MSX2: variants seen among roughly 807,000 people sequenced by gnomAD.
MSX2 encodes msh homeobox 2.
Under a neutral mutation model 18.4 loss-of-function variants are expected in MSX2, and 10 were observed. The ratio of observed to expected loss-of-function variants is 0.54; its 90% CI spans 0.34 to 0.92. The LOEUF is 0.92. MSX2 is among the 40% of genes least tolerant of loss of function. The pLI, the probability that MSX2 is intolerant of heterozygous loss-of-function variation, is 0.02. For missense variants in MSX2, 339 were observed against 364.0 expected, an observed-to-expected ratio of 0.93 and a Z score of 0.56; for synonymous variants, 170 against 165.6, an observed-to-expected ratio of 1.03 and a Z score of -0.20.
Position 174,730,528 on chromosome 5 carries a change from G to A in MSX2, c.*945G>A, listed in dbSNP as rs1331479617. On this transcript the variant is annotated 3_prime_UTR_variant, in exon 2 of 2. Transcript: ENST00000239243. ...TTTCTGCTTAAAAAATGAGTATCTTGTAACCATTACCTATATGCTAAATAT... is the reference window on the plus strand; with the variant it reads ...TTTCTGCTTAAAAAATGAGTATCTTATAACCATTACCTATATGCTAAATAT... 2 of 152,322 alleles carry A rather than the reference G, an allele frequency of 1.3e-5. No individual in the cohort carries two copies. The highest frequency in any genetic ancestry group is 6.6e-5 in the Admixed American group (1 of 15,234). 9.4% of individuals were successfully genotyped at this position (152,322 alleles called of 1,614,324 possible).
At position 174,724,759 on chromosome 5, in the gene MSX2, G is replaced by C. The variant is rs1760739105; in HGVS notation, c.100G>C (p.Ala34Pro). 1 of 1,565,932 alleles carries C rather than the reference G, an allele frequency of 6.4e-7. No homozygotes were observed. The highest frequency in any genetic ancestry group is 1.2e-5 in the South Asian group (1 of 85,684). The change falls in exon 1 of 2, where the codon GCC becomes CCC. Residue 34 changes from alanine to proline, a missense_variant. Around this residue, in one of 2 missense-constraint regions of MSX2, gnomAD observed 211 missense variants for 185.4 expected, o/e 1.14. Transcript: ENST00000239243. Reference sequence around the variant, plus strand: ...CCCGGGGCCTGGGGGCGCCGAGGGGGCCGCGGAGGAGCGCCGCGTCAAGGT... The same window carrying C: ...CCCGGGGCCTGGGGGCGCCGAGGGGCCCGCGGAGGAGCGCCGCGTCAAGGT... ...PGPGPGGAEGAAEERRVKVSS... is the reference protein window; with the variant it reads ...PGPGPGGAEGPAEERRVKVSS...
rs1428948082 is a variant in MSX2 at position 174,729,287 on chromosome 5, G to A, written c.508G>A (p.Ala170Thr). 7 of 1,614,002 alleles carry A rather than the reference G, an allele frequency of 4.3e-6. No individual in the cohort carries two copies. Among genetic ancestry groups the A allele is most frequent in the Non-Finnish European group, 5.9e-6 (7 of 1,180,034 alleles). The change falls in exon 2 of 2, where the codon GCA (alanine) becomes ACA (threonine). Residue 170 changes from alanine to threonine, a missense_variant. Ala to Thr is a moderately conservative substitution (Grantham distance 58, BLOSUM62 0). This residue lies in a region of MSX2 where 128 missense variants were observed against 178.6 expected (regional missense o/e 0.72). Coordinates refer to ENST00000239243, the MANE Select transcript of MSX2 (RefSeq NM_002449.5). ...KFRQKQYLSI[A>T]ERAEFSSSLN... ...CCGTCAGAAACAGTACCTCTCCATTGCAGAGCGTGCAGAGTTCTCCAGCTC... is the reference window on the plus strand; with the variant it reads ...CCGTCAGAAACAGTACCTCTCCATTACAGAGCGTGCAGAGTTCTCCAGCTC...
In MSX2 at chr5:174,725,053, G is replaced by A; in HGVS notation, c.379+15G>A. 6.2e-7 allele frequency: 1 copy of A among 1,609,084 alleles called. No homozygotes were observed. The highest frequency in any genetic ancestry group is 8.5e-7 in the Non-Finnish European group (1 of 1,178,906). On this transcript the variant is annotated intron_variant, in intron 1 of 1. Coordinates refer to ENST00000239243, the MANE Select transcript of MSX2 (RefSeq NM_002449.5). ...GCCGCCGCCAAGTGAGTGCGCGCCG[G>A]GGCAGGAGTAGGAGGTAGCGCGGGG...
At chr5:174,728,843 T>C (rs1360704693) in intron 1 of MSX2, among the ~76,000 whole-genome samples, 2 of 152,160 alleles carry the variant, frequency 1.3e-5, no homozygotes, top group Non-Finnish European at 1.5e-5. Context: ...AAAAAACTCA[T>C]TTTTAAAAAA....
rs1760742152 is a variant in MSX2, at chr5:174,724,824, CAAG to C, written c.169_171del (p.Lys57del). ...TCAGCGTGGAGGCGCTCATGTCCGACAAGAAGCCGCCCAAGGAGGCGTCCCCGC... is the reference window on the plus strand; with the variant it reads ...TCAGCGTGGAGGCGCTCATGTCCGACAAGCCGCCCAAGGAGGCGTCCCCGC... On this transcript the variant is annotated inframe_deletion, in exon 1 of 2. Transcript: ENST00000239243. 1.3e-6 allele frequency: 2 copies of C among 1,551,242 alleles called. No individual in the cohort carries two copies. The highest frequency in any genetic ancestry group is 1.4e-5 in the African/African-American group (1 of 73,264).
At position 174,725,312 on chromosome 5, in the gene MSX2, G is replaced by A. The variant is rs77555755; in HGVS notation, c.379+274G>A. On this transcript the variant is annotated intron_variant, in intron 1 of 1. Transcript: ENST00000239243. ...GTTTTTTCAAGAGCGAACCCCAGCT[G>A]GGTTTACGGGGTCGCTCGGTGGTCC... Among the ~76,000 whole-genome samples, 968 of 152,318 alleles carry A rather than the reference G, an allele frequency of 6.4e-3. 11 individuals carry two copies. The highest frequency in any genetic ancestry group is 0.021 in the East Asian group (110 of 5,170).
chr5:174,725,632 G>A (rs1760778404), intron 1 of MSX2, among the ~76,000 whole-genome samples: 1 of 152,076 alleles, frequency 6.6e-6, no homozygotes, highest in African/African-American at 2.4e-5. Flanking sequence ...TGGCATCAGA[G>A]TCTGGTGCGG....
chr5:174,729,103 A>T (rs1760867408), intron 1 of MSX2, 56 bp from the exon 2 acceptor site: 1 of 1,553,396 alleles, frequency 6.4e-7, no homozygotes, highest in South Asian at 1.1e-5. Flanking sequence ...GGTTTTTTTT[A>T]GTATTATTTT....
At chr5:174,726,201 C>T (rs1251945616) in intron 1 of MSX2, among the ~76,000 whole-genome samples, 3 of 152,128 alleles carry the variant, frequency 2.0e-5, no homozygotes, top group Non-Finnish European at 4.4e-5. Flanking sequence ...CCTAATTTCC[C>T]ACCACGCCAT....
chr5:174,725,453 G>A (rs550158503), intron 1 of MSX2, among the ~76,000 whole-genome samples: 1 of 152,192 alleles, frequency 6.6e-6, no homozygotes, highest in East Asian at 1.9e-4. Context: ...TGAGCACTTG[G>A]ATGTACCAGG....
Position 174,729,659 on chromosome 5 carries a change from C to G in MSX2, c.*76C>G. Reference sequence around the variant, plus strand: ...CCTCTCCCTCTCCACGAAGGCAGTACCAGCCAGTACTCCTGCTCTGCTAAC... The same window carrying G: ...CCTCTCCCTCTCCACGAAGGCAGTAGCAGCCAGTACTCCTGCTCTGCTAAC... On this transcript the variant is annotated 3_prime_UTR_variant, in exon 2 of 2. Coordinates refer to ENST00000239243, the MANE Select transcript of MSX2 (RefSeq NM_002449.5). The G allele has an allele frequency of 6.9e-7, 1 of 1,457,052 alleles. No homozygotes were observed. The highest frequency in any genetic ancestry group is 9.5e-7 in the Non-Finnish European group (1 of 1,050,712). The allele number at this position is 1,457,052 out of a possible 1,614,324, so 90.3% of individuals were successfully genotyped here.
chr5:174,724,605 G>A lies in MSX2; in HGVS notation c.-55G>A. On this transcript the variant is annotated 5_prime_UTR_variant, in exon 1 of 2. Coordinates refer to ENST00000239243, the MANE Select transcript of MSX2 (RefSeq NM_002449.5). ...CCGCAGCAAAAAAGTTTGAGTCGCC[G>A]CTGCCGGGTTGCCAGCGGAGTCGCG... is the stretch of plus-strand genomic sequence containing the variant. 1.3e-6 allele frequency: 2 copies of A among 1,550,384 alleles called. No homozygotes were observed. The highest frequency in any genetic ancestry group is 2.4e-5 in the South Asian group (2 of 84,380).
intron 1 of MSX2, among the ~76,000 whole-genome samples, chr5:174,728,065 A>G (rs1395078905): frequency 2.6e-5 from 4 of 152,176 alleles, no homozygotes; most frequent in East Asian, 3.9e-4. Flanking sequence ...AGTTGATGCT[A>G]TGGAATCACA....
intron 1 of MSX2, 134 bp from the exon 2 acceptor site, chr5:174,729,025 A>T: frequency 1.4e-6 from 1 of 733,874 alleles, no homozygotes. Context: ...ATTTTTTTAA[A>T]GCTAAGTGCT....
intron 1 of MSX2, among the ~76,000 whole-genome samples, chr5:174,728,579 T>C (rs1760853337): frequency 6.6e-6 from 1 of 152,230 alleles, no homozygotes; most frequent in Non-Finnish European, 1.5e-5. Flanking sequence ...GCTAACCCGG[T>C]TGCTAAAACC....
At position 174,724,601 on chromosome 5, in the gene MSX2, C is replaced by T. The variant is rs888125937; in HGVS notation, c.-59C>T. 5.4e-5 allele frequency: 83 copies of T among 1,546,440 alleles called. No homozygotes were observed. Among genetic ancestry groups the T allele is most frequent in the Middle Eastern group, 2.3e-4 (1 of 4,398 alleles). On this transcript the variant is annotated 5_prime_UTR_variant, in exon 1 of 2. Transcript: ENST00000239243. ...GTCTCCGCAGCAAAAAAGTTTGAGT[C>T]GCCGCTGCCGGGTTGCCAGCGGAGT...
chr5:174,724,742 C>G lies in MSX2; in HGVS notation c.83C>G (p.Pro28Arg). ...GTGGTGGCCGGACCAGGCCCGGGGC[C>G]TGGGGGCGCCGAGGGGGCCGCGGAG... ...PAVVAGPGPGPGGAEGAAEER... is the reference protein window; with the variant it reads ...PAVVAGPGPGRGGAEGAAEER... Residue 28 changes from proline (P) to arginine (R), a missense_variant, in exon 1 of 2, where the codon CCT becomes CGT. By Grantham distance (103) the Pro-to-Arg change is moderately radical. This residue lies in a region of MSX2 where 211 missense variants were observed against 185.4 expected (regional missense o/e 1.14). Coordinates refer to ENST00000239243, the MANE Select transcript of MSX2 (RefSeq NM_002449.5). 1 of 1,578,752 alleles carries G rather than the reference C, an allele frequency of 6.3e-7. No homozygotes were observed. Among genetic ancestry groups the G allele is most frequent in the Non-Finnish European group, 8.6e-7 (1 of 1,163,010 alleles).
rs1460469912 is a variant in MSX2 at position 174,729,659 on chromosome 5, C to T, written c.*76C>T. On this transcript the variant is annotated 3_prime_UTR_variant, in exon 2 of 2. Coordinates refer to ENST00000239243, the MANE Select transcript of MSX2 (RefSeq NM_002449.5). The stretch of plus-strand genomic sequence containing the variant: ...CCTCTCCCTCTCCACGAAGGCAGTA[C>T]CAGCCAGTACTCCTGCTCTGCTAAC... The T allele has an allele frequency of 2.7e-6, 4 of 1,456,934 alleles. No homozygotes were observed. The highest frequency in any genetic ancestry group is 1.4e-5 in the African/African-American group (1 of 72,072). The allele number at this position is 1,456,934 out of a possible 1,614,324, so 90.3% of individuals were successfully genotyped here.
chr5:174,726,356 C>T (rs963033409), intron 1 of MSX2, among the ~76,000 whole-genome samples: 1 of 152,086 alleles, frequency 6.6e-6, no homozygotes, highest in Non-Finnish European at 1.5e-5. Context: ...TATACCCAGG[C>T]GTCAGTGGCT....
Sources: allele counts gnomAD v4.1 joint callset (sites outside exome capture counted in the v4.1 genomes callset), GRCh38; gene constraint gnomAD v4.1.1; regional missense constraint gnomAD v4.1.1; transcripts MANE v1.5; gene names NCBI Gene and HGNC (gene_info 2026-07-23, HGNC 2026-07-21).